The following RABGAP1L variants were observed in gnomAD, a reference collection of about 807,000 sequenced individuals.
RABGAP1L encodes rab GTPase-activating protein 1-like.
A neutral mutation model predicts 137.7 loss-of-function variants in RABGAP1L; 63 were observed. The ratio of observed to expected loss-of-function variants is 0.46; its 90% CI spans 0.37 to 0.56. The LOEUF (loss-of-function observed/expected upper bound fraction) is 0.56, where lower values mean the gene tolerates loss of function less well. RABGAP1L is among the 20% of genes least tolerant of loss of function. RABGAP1L has a pLI of 0.00. For synonymous variants in RABGAP1L, 431 were observed against 433.7 expected, an observed-to-expected ratio of 0.99 and a Z score of 0.08; for missense variants, 1,095 against 1,244.0, an observed-to-expected ratio of 0.88 and a Z score of 1.80.
chr1:174,314,075 C>A (rs191541933), intron 11 of RABGAP1L, among the ~76,000 whole-genome samples: 1 of 152,080 alleles, frequency 6.6e-6, no homozygotes, highest in Admixed American at 6.6e-5. Flanking sequence ...TGCAGTAGTT[C>A]GATTTGGATT....
chr1:174,464,339 A>G (rs936712945), intron 13 of RABGAP1L, among the ~76,000 whole-genome samples: 1 of 150,914 alleles, frequency 6.6e-6, no homozygotes, highest in Non-Finnish European at 1.5e-5. Context: ...TTTCACAGAA[A>G]GCCCATCTAC....
intron 12 of RABGAP1L, among the ~76,000 whole-genome samples, chr1:174,379,042 G>A (rs1425080544): frequency 7.2e-6 from 1 of 139,714 alleles, no homozygotes. Context: ...ATTAAATAGG[G>A]AACCCTTTCC....
chr1:174,749,860 A>G (rs1273986644), intron 17 of RABGAP1L, among the ~76,000 whole-genome samples: 1 of 151,974 alleles, frequency 6.6e-6, no homozygotes, highest in African/African-American at 2.4e-5. Flanking sequence ...ATTTCAAAAT[A>G]TGTTCAAGGA....
At chr1:174,365,087 C>T (rs554322730) in intron 11 of RABGAP1L, 4 of 152,406 alleles carry the variant, frequency 2.6e-5, no homozygotes, top group African/African-American at 9.6e-5. Context: ...GCTTCACTGC[C>T]TGGAGTTGGG....
chr1:174,430,131 T>C (rs963814261), intron 13 of RABGAP1L, among the ~76,000 whole-genome samples: 9 of 152,180 alleles, frequency 5.9e-5, no homozygotes, highest in Admixed American at 5.2e-4. Context: ...ACCCTTGTTA[T>C]TCCAGCACTT....
intron 13 of RABGAP1L, among the ~76,000 whole-genome samples, chr1:174,476,167 A>C (rs896741165): frequency 6.6e-6 from 1 of 152,190 alleles, no homozygotes; most frequent in Non-Finnish European, 1.5e-5. Context: ...GTAAGAGAAG[A>C]TCTTACCTAT....
intron 13 of RABGAP1L, among the ~76,000 whole-genome samples, chr1:174,554,045 TC>T (rs1353170041): frequency 6.6e-6 from 1 of 152,136 alleles, no homozygotes; most frequent in Non-Finnish European, 1.5e-5. Flanking sequence ...TTCCTCCTCT[TC>T]AAGATTAATA....
At chr1:174,184,665 A>G (rs1666661604) in intron 1 of RABGAP1L, among the ~76,000 whole-genome samples, 1 of 152,138 alleles carries the variant, frequency 6.6e-6, no homozygotes, top group Admixed American at 6.5e-5. Flanking sequence ...TCCCAGACAA[A>G]TTGGGGCTTT....
Position 174,192,541 on chromosome 1 carries a change from C to T in RABGAP1L, c.-33-26584C>T, listed in dbSNP as rs1006689681. On this transcript the variant is annotated intron_variant, in intron 1 of 25. Transcript: ENST00000681986. ...TTTTACCATCTTGCCAGACTGGTCT[C>T]GAACTTCCAACCTCAGGTGATCCAC... 5.9e-5 allele frequency among the ~76,000 whole-genome samples: 9 copies of T among 152,098 alleles called. No individual in the cohort carries two copies. In the East Asian group the frequency reaches 1.2e-3, roughly 20 times the overall value.
intron 18 of RABGAP1L, among the ~76,000 whole-genome samples, chr1:174,779,095 T>G (rs1270790759): frequency 6.6e-6 from 1 of 152,216 alleles, no homozygotes; most frequent in Non-Finnish European, 1.5e-5. Flanking sequence ...TGATTGCACA[T>G]CTGTACATCA....
intron 12 of RABGAP1L, among the ~76,000 whole-genome samples, chr1:174,391,049 A>G (rs1164959012): frequency 6.6e-6 from 1 of 152,188 alleles, no homozygotes; most frequent in Non-Finnish European, 1.5e-5. Flanking sequence ...ATAAAGAAGT[A>G]GTGCTTTGTC....
intron 19 of RABGAP1L, among the ~76,000 whole-genome samples, chr1:174,875,292 T>C (rs1218813872): frequency 1.3e-5 from 2 of 152,236 alleles, no homozygotes; most frequent in African/African-American, 4.8e-5. Flanking sequence ...GTACAGCACC[T>C]CTAGGTGCTA....
chr1:174,973,534 A>C (rs1227415304), intron 21 of RABGAP1L, among the ~76,000 whole-genome samples: 1 of 151,700 alleles, frequency 6.6e-6, no homozygotes, highest in Non-Finnish European at 1.5e-5. Context: ...ACAGGTGCCC[A>C]AAACCATGCC....
At chr1:174,187,972 C>G (rs1171133795) in intron 1 of RABGAP1L, among the ~76,000 whole-genome samples, 1 of 152,020 alleles carries the variant, frequency 6.6e-6, no homozygotes, top group African/African-American at 2.4e-5. Flanking sequence ...ATTTGTTGGC[C>G]TTAATAAGGT....
chr1:174,807,703 C>G (rs187924794), intron 18 of RABGAP1L, among the ~76,000 whole-genome samples: 2 of 152,270 alleles, frequency 1.3e-5, no homozygotes, highest in East Asian at 3.9e-4. Flanking sequence ...TTTGTGCTTA[C>G]TGGCATTTTT....
chr1:174,915,697 C>T (rs12090265), intron 19 of RABGAP1L, among the ~76,000 whole-genome samples: 2,362 of 152,288 alleles, frequency 0.016, 43 homozygotes, highest in African/African-American at 0.054. Flanking sequence ...CCTCATGATC[C>T]GCCCACCTCG....
rs757931524 is a variant in RABGAP1L, at chr1:174,231,254, T to C, written c.441T>C (p.Asn147=). Residue 147 remains asparagine (N), a synonymous_variant, in exon 4 of 26, where the codon AAT becomes AAC. Transcript: ENST00000681986. ...GTATGAAGGTTTCTTCCCCACGTAATGAAGTAGAGGCTTTACGGGCAATGG... is the reference window on the plus strand; with the variant it reads ...GTATGAAGGTTTCTTCCCCACGTAACGAAGTAGAGGCTTTACGGGCAATGG... ...LGCMKVSSPR[N]EVEALRAMAT... 2 of 1,614,062 alleles carry C rather than the reference T, an allele frequency of 1.2e-6. No individual in the cohort carries two copies. The highest frequency in any genetic ancestry group is 8.5e-7 in the Non-Finnish European group (1 of 1,179,948).
intron 17 of RABGAP1L, among the ~76,000 whole-genome samples, chr1:174,710,436 G>A (rs1286007312): frequency 6.6e-6 from 1 of 152,118 alleles, no homozygotes; most frequent in African/African-American, 2.4e-5. Flanking sequence ...AGAAAGGTCG[G>A]GTTACTCACA....
At chr1:174,948,509 CAAAAAAA>C (rs3086627) in intron 19 of RABGAP1L, among the ~76,000 whole-genome samples, 2 of 64,892 alleles carry the variant, frequency 3.1e-5, no homozygotes, top group Admixed American at 2.0e-4. Flanking sequence ...GACCCTGCCT[CAAAAAAA>C]AAAAAAAAAA....
Sources: allele counts gnomAD v4.1 joint callset (sites outside exome capture counted in the v4.1 genomes callset), GRCh38; gene constraint gnomAD v4.1.1; transcripts MANE v1.5; gene names NCBI Gene and HGNC (gene_info 2026-07-23, HGNC 2026-07-21).